DAB1: variants seen among roughly 807,000 people sequenced by gnomAD.
DAB1 encodes DAB adaptor protein 1.
Under a neutral mutation model 64.6 loss-of-function variants are expected in DAB1, and 15 were observed. The observed-to-expected ratio is 0.23, with a 90% CI of 0.16 to 0.36. DAB1 has a LOEUF of 0.36. DAB1 is among the 10% of genes least tolerant of loss of function. DAB1 has a pLI of 1.00. For missense variants in DAB1, 596 were observed against 706.7 expected (o/e 0.84, Z 1.78); for synonymous variants, 235 against 251.9 (o/e 0.93, Z 0.64).
intron 1 of DAB1, among the ~76,000 whole-genome samples, chr1:57,331,995 G>A (rs969063529): frequency 6.6e-6 from 1 of 152,126 alleles, no homozygotes; most frequent in Non-Finnish European, 1.5e-5. Context: ...ACGGAGTCTT[G>A]CTCTATTGCC....
intron 1 of DAB1, chr1:58,538,745 T>G: frequency 1.4e-6 from 1 of 708,992 alleles, no homozygotes; most frequent in Non-Finnish European, 2.4e-6. Context: ...GCACAAAATA[T>G]TAATGCAAAA....
intron 6 of DAB1, among the ~76,000 whole-genome samples, chr1:57,810,088 A>G (rs1299667891): frequency 6.6e-6 from 1 of 152,160 alleles, no homozygotes; most frequent in Non-Finnish European, 1.5e-5. Flanking sequence ...CTGCCATAAG[A>G]GTCTCCCTGT....
intron 5 of DAB1, chr1:58,048,482 C>A: frequency 7.8e-7 from 1 of 1,280,406 alleles, no homozygotes; most frequent in Non-Finnish European, 1.1e-6. Flanking sequence ...ATAACCCTGT[C>A]CACCACTTCC....
chr1:58,172,178 C>A (rs963471661), intron 4 of DAB1, among the ~76,000 whole-genome samples: 1 of 152,166 alleles, frequency 6.6e-6, no homozygotes, highest in African/African-American at 2.4e-5. Flanking sequence ...CCTAGTACAA[C>A]CTCCAGCTTT....
chr1:57,321,375 C>T (rs1056612419), intron 1 of DAB1, among the ~76,000 whole-genome samples: 1 of 152,188 alleles, frequency 6.6e-6, no homozygotes, highest in Non-Finnish European at 1.5e-5. Flanking sequence ...ACCATGGCCC[C>T]TTCTCTCTGC....
chr1:57,684,923 AC>A (rs1646677669), intron 6 of DAB1, among the ~76,000 whole-genome samples: 1 of 151,406 alleles, frequency 6.6e-6, no homozygotes, highest in South Asian at 2.1e-4. Flanking sequence ...CAAATGGAAA[AC>A]AAAAAAACAG....
At chr1:58,364,209 T>C (rs1644194537) in intron 3 of DAB1, among the ~76,000 whole-genome samples, 1 of 152,240 alleles carries the variant, frequency 6.6e-6, no homozygotes, top group African/African-American at 2.4e-5. Flanking sequence ...CTGTCCCATC[T>C]GGAGCAGATA....
chr1:58,292,855 A>G (rs1254135569), intron 4 of DAB1, among the ~76,000 whole-genome samples: 1 of 152,198 alleles, frequency 6.6e-6, no homozygotes, highest in African/African-American at 2.4e-5. Context: ...TATTCTGAGC[A>G]TTTAATAGGA....
At chr1:57,856,939 A>G (rs976111201) in intron 1 of DAB1, among the ~76,000 whole-genome samples, 6 of 152,328 alleles carry the variant, frequency 3.9e-5, no homozygotes, top group South Asian at 2.1e-4. Context: ...AAGATGCTCA[A>G]TAAGTACACT....
At chr1:57,388,661 C>G (rs1385842340) in intron 1 of DAB1, among the ~76,000 whole-genome samples, 2 of 152,194 alleles carry the variant, frequency 1.3e-5, no homozygotes, top group Non-Finnish European at 2.9e-5. Flanking sequence ...GCTCATCTCT[C>G]TCCTTTCTCT....
intron 7 of DAB1, among the ~76,000 whole-genome samples, chr1:57,476,466 T>C (rs751542101): frequency 5.9e-5 from 9 of 152,148 alleles, no homozygotes; most frequent in Non-Finnish European, 1.2e-4. Context: ...TTAATAAATT[T>C]ATTATAACAG....
intron 4 of DAB1, among the ~76,000 whole-genome samples, chr1:57,094,527 G>C (rs771822975): frequency 1.3e-5 from 2 of 152,194 alleles, no homozygotes; most frequent in East Asian, 1.9e-4. Flanking sequence ...GGAGGCGAAG[G>C]GGGGATTTGG....
At chr1:58,112,701 A>C (rs1228007015) in intron 5 of DAB1, among the ~76,000 whole-genome samples, 1 of 152,244 alleles carries the variant, frequency 6.6e-6, no homozygotes, top group Non-Finnish European at 1.5e-5. Flanking sequence ...GGCACTCAAT[A>C]CATGTTTCCT....
chr1:58,488,598 T>G (rs1645617463), intron 3 of DAB1, among the ~76,000 whole-genome samples: 1 of 152,180 alleles, frequency 6.6e-6, no homozygotes, highest in Non-Finnish European at 1.5e-5. Context: ...ATTACAGGCA[T>G]GAGCCACCAT....
rs1307461545 is a variant in DAB1, at chr1:57,121,545, C to T, written c.306+14998G>A. 2.6e-5 allele frequency among the ~76,000 whole-genome samples: 4 copies of T among 151,626 alleles called. No homozygotes were observed. In the South Asian group the frequency reaches 8.3e-4, roughly 32 times the overall value. Reference sequence around the variant, plus strand: ...TGAGAAACACTGCTTAATAAATGTTCACTGAATGAAAAAAGAAAAAGAAAA... The same window carrying T: ...TGAGAAACACTGCTTAATAAATGTTTACTGAATGAAAAAAGAAAAAGAAAA... On this transcript the variant is annotated intron_variant, in intron 4 of 14. Coordinates refer to ENST00000371236, the MANE Select transcript of DAB1 (RefSeq NM_001365792.1).
chr1:57,111,551 T>C (rs890563135), intron 4 of DAB1, among the ~76,000 whole-genome samples: 1 of 152,202 alleles, frequency 6.6e-6, no homozygotes, highest in Non-Finnish European at 1.5e-5. Context: ...TTTTCATTCA[T>C]GTCTTCTTCT....
chr1:58,520,826 C>G (rs1427333056), intron 2 of DAB1, among the ~76,000 whole-genome samples: 1 of 151,724 alleles, frequency 6.6e-6, no homozygotes, highest in African/African-American at 2.4e-5. Context: ...ATTAATAGCC[C>G]TAAAAGGAAA....
intron 4 of DAB1, among the ~76,000 whole-genome samples, chr1:58,308,882 G>A (rs1662366989): frequency 6.6e-6 from 1 of 152,074 alleles, no homozygotes; most frequent in African/African-American, 2.4e-5. Context: ...AGGTCTACCT[G>A]GTCAAATCTC....
chr1:58,505,188 G>A (rs566108317), intron 3 of DAB1, among the ~76,000 whole-genome samples: 1 of 152,240 alleles, frequency 6.6e-6, no homozygotes, highest in Admixed American at 6.5e-5. Flanking sequence ...CTGACCTCAG[G>A]TGATCCACCC....
Sources: allele counts gnomAD v4.1 joint callset (sites outside exome capture counted in the v4.1 genomes callset), GRCh38; gene constraint gnomAD v4.1.1; transcripts MANE v1.5; gene names NCBI Gene and HGNC (gene_info 2026-07-23, HGNC 2026-07-21).